CREB5: variants seen among roughly 807,000 people sequenced by gnomAD.
CREB5 encodes the protein cyclic AMP-responsive element-binding protein 5.
Under a neutral mutation model 57.1 loss-of-function variants are expected in CREB5, and 19 were observed. That is an observed-to-expected ratio of 0.33 (90% CI 0.23 to 0.49). CREB5 has a LOEUF of 0.49. Among genes scored for constraint, CREB5 ranks in the 20% least tolerant of loss-of-function variants. CREB5 has a pLI of 0.99. For missense variants in CREB5, 579 were observed against 671.6 expected, an observed-to-expected ratio of 0.86 and a Z score of 1.52; for synonymous variants, 238 against 238.3, an observed-to-expected ratio of 1.00 and a Z score of 0.01.
At chr7:28,431,762 G>A (rs1788721039) in intron 1 of CREB5, among the ~76,000 whole-genome samples, 1 of 152,074 alleles carries the variant, frequency 6.6e-6, no homozygotes, top group Admixed American at 6.5e-5. Flanking sequence ...TAGGTACAGA[G>A]GCGTTCTGGT....
chr7:28,521,747 T>A (rs1372398320), intron 4 of CREB5, among the ~76,000 whole-genome samples: 2 of 152,206 alleles, frequency 1.3e-5, no homozygotes, highest in Non-Finnish European at 2.9e-5. Context: ...ATACGGTGTC[T>A]CTGACCAGAT....
At chr7:28,462,486 G>C (rs915151786) in intron 1 of CREB5, among the ~76,000 whole-genome samples, 3 of 152,066 alleles carry the variant, frequency 2.0e-5, no homozygotes, top group East Asian at 3.9e-4. Context: ...TTAACATTTT[G>C]AAGAACTACA....
At chr7:28,652,016 A>G (rs538849732) in intron 5 of CREB5, among the ~76,000 whole-genome samples, 1 of 152,306 alleles carries the variant, frequency 6.6e-6, no homozygotes, top group South Asian at 2.1e-4. Flanking sequence ...GGTGGTTAAA[A>G]GTGAAAGATA....
At chr7:28,746,858 T>A (rs918002252) in intron 7 of CREB5, among the ~76,000 whole-genome samples, 1 of 152,194 alleles carries the variant, frequency 6.6e-6, no homozygotes, top group Non-Finnish European at 1.5e-5. Flanking sequence ...CTTTCAGTAA[T>A]GAAATCCCCT....
At position 28,315,071 on chromosome 7, in the gene CREB5, A is replaced by G. The variant is rs10244897; in HGVS notation, c.-25+15630A>G. The stretch of plus-strand genomic sequence containing the variant: ...GTAGGAGATAAGGGTATCTTATCTT[A>G]TCCTTGGTGTTTAGTGTGGTCCCAG... On this transcript the variant is annotated intron_variant, in intron 1 of 9. Coordinates refer to the CREB5 transcript ENST00000396299. Among the ~76,000 whole-genome samples, 390 of 152,296 alleles carry G rather than the reference A, an allele frequency of 2.6e-3. 3 individuals carry two copies. The highest frequency in any genetic ancestry group is 9.1e-3 in the African/African-American group (377 of 41,552).
rs183647386 is a variant in CREB5 at position 28,365,276 on chromosome 7, G to A, written c.-25+65835G>A. Among the ~76,000 whole-genome samples the A allele has an allele frequency of 2.8e-3, 421 of 152,058 alleles. 1 individual carries two copies. The highest frequency in any genetic ancestry group is 4.6e-3 in the Non-Finnish European group (311 of 67,982). ...ACATTTTCCACTATTCATTTTCCTT[G>A]TTTTCAATGAACACAATGGTACTGG... On this transcript the variant is annotated intron_variant, in intron 1 of 9. Transcript: ENST00000396299.
At chr7:28,746,883 G>A (rs966188640) in intron 7 of CREB5, among the ~76,000 whole-genome samples, 1 of 152,090 alleles carries the variant, frequency 6.6e-6, no homozygotes, top group Non-Finnish European at 1.5e-5. Flanking sequence ...AAACGTTATT[G>A]GTTCCCAGAC....
At chr7:28,407,208 C>G (rs1452944670) in intron 1 of CREB5, among the ~76,000 whole-genome samples, 1 of 152,086 alleles carries the variant, frequency 6.6e-6, no homozygotes, top group East Asian at 1.9e-4. Flanking sequence ...CACCACCACA[C>G]CCAGCTAATT....
chr7:28,438,613 T>C (rs1195904847), intron 1 of CREB5, among the ~76,000 whole-genome samples: 1 of 152,204 alleles, frequency 6.6e-6, no homozygotes, highest in Admixed American at 6.5e-5. Context: ...TAAAGAAAGT[T>C]GCCATTTTAC....
At chr7:28,782,759 A>G (rs1184682448) in intron 7 of CREB5, among the ~76,000 whole-genome samples, 1 of 152,220 alleles carries the variant, frequency 6.6e-6, no homozygotes. Flanking sequence ...TGTCAAGGGA[A>G]AAGCTAAGTT....
chr7:28,330,244 G>T (rs1201287465), intron 1 of CREB5, among the ~76,000 whole-genome samples: 1 of 152,152 alleles, frequency 6.6e-6, no homozygotes. Flanking sequence ...AACGCCAGCT[G>T]CTCTAAGTGA....
chr7:28,598,022 A>C (rs1562519634), intron 5 of CREB5, among the ~76,000 whole-genome samples: 1 of 152,150 alleles, frequency 6.6e-6, no homozygotes, highest in African/African-American at 2.4e-5. Context: ...GTATTTATGA[A>C]CTTGGCACAT....
chr7:28,313,978 A>G (rs943709972), intron 1 of CREB5, among the ~76,000 whole-genome samples: 4 of 152,258 alleles, frequency 2.6e-5, no homozygotes, highest in African/African-American at 4.8e-5. Context: ...CTGAAAAAAT[A>G]TTGGCCATGC....
chr7:28,330,944 A>G (rs553597520), intron 1 of CREB5, among the ~76,000 whole-genome samples: 56 of 152,232 alleles, frequency 3.7e-4, no homozygotes, highest in Admixed American at 6.5e-4. Context: ...ATCCTCATCT[A>G]GCCCCTGCTT....
chr7:28,645,191 GA>G (rs1399618595), intron 5 of CREB5, among the ~76,000 whole-genome samples: 1 of 152,142 alleles, frequency 6.6e-6, no homozygotes, highest in Non-Finnish European at 1.5e-5. Context: ...CCAGCATTAA[GA>G]ATAATTTTCT....
At chr7:28,556,518 T>C (rs754097189) in intron 4 of CREB5, among the ~76,000 whole-genome samples, 3 of 152,174 alleles carry the variant, frequency 2.0e-5, no homozygotes, top group Non-Finnish European at 4.4e-5. Context: ...CCAGTTTATT[T>C]TTCTGTGTGT....
rs117258582 is a variant in CREB5, at chr7:28,440,209, G to A, written c.3+27292G>A. ...TGCTGAGTATCCATGTCGCACTCCAGTCCGACAACATTGATTTATTTAAGT... is the reference window on the plus strand; with the variant it reads ...TGCTGAGTATCCATGTCGCACTCCAATCCGACAACATTGATTTATTTAAGT... On this transcript the variant is annotated intron_variant, in intron 1 of 10. Coordinates refer to ENST00000357727, the MANE Select transcript of CREB5 (RefSeq NM_182898.4). Among the ~76,000 whole-genome samples the A allele has an allele frequency of 7.9e-5, 12 of 152,258 alleles. No individual in the cohort carries two copies. In the East Asian group the frequency reaches 2.1e-3, roughly 27 times the overall value.
At chr7:28,649,419 A>T (rs1799038306) in intron 5 of CREB5, among the ~76,000 whole-genome samples, 1 of 152,220 alleles carries the variant, frequency 6.6e-6, no homozygotes, top group Non-Finnish European at 1.5e-5. Context: ...AGCCCCATCC[A>T]TTCATTGATG....
chr7:28,476,944 C>A (rs774849984), intron 1 of CREB5, among the ~76,000 whole-genome samples: 2 of 152,214 alleles, frequency 1.3e-5, no homozygotes, highest in Non-Finnish European at 2.9e-5. Flanking sequence ...CCACCATAGA[C>A]ATCTGGGTAC....
Sources: gnomAD v4.1 joint callset for allele counts (sites outside exome capture counted in the v4.1 genomes callset) on GRCh38, gnomAD v4.1.1 for gene constraint, MANE v1.5 for transcripts, NCBI Gene and HGNC (gene_info 2026-07-23, HGNC 2026-07-21) for gene names.